Variants in ABCD4 observed in about 807,000 individuals in gnomAD.
ABCD4 encodes the protein lysosomal cobalamin transporter ABCD4.
Under a neutral mutation model 86.3 loss-of-function variants are expected in ABCD4, and 53 were observed. The ratio of observed to expected loss-of-function variants is 0.61; its 90% CI spans 0.49 to 0.77. ABCD4 has a LOEUF of 0.77. Ranked by LOEUF, ABCD4 falls within the 30% of genes least tolerant of loss-of-function variation. The pLI is 0.00. For synonymous variants in ABCD4, 328 were observed against 313.6 expected (o/e 1.05, Z -0.49); for missense variants, 757 against 764.5 (o/e 0.99, Z 0.12).
intron 4 of ABCD4, chr14:74,297,696 A>T (rs991752950): frequency 7.4e-6 from 9 of 1,215,872 alleles, no homozygotes; most frequent in African/African-American, 1.6e-5. Context: ...AGTTGTTGGG[A>T]CTACAGGTGC....
intron 1 of ABCD4, 51 bp downstream of exon 1, chr14:74,302,824 T>C: frequency 6.3e-7 from 1 of 1,583,114 alleles, no homozygotes; most frequent in East Asian, 2.4e-5. Flanking sequence ...GCCCATTCCC[T>C]ACAGCCCGGA....
At chr14:74,295,244 G>T in intron 6 of ABCD4, 46 bp from the exon 7 acceptor site, 1 of 1,607,848 alleles carries the variant, frequency 6.2e-7, no homozygotes, top group Non-Finnish European at 8.5e-7. Context: ...GGGAGTACTG[G>T]CCTCACTCTT....
At chr14:74,292,247 C>G (rs1165568393) in intron 11 of ABCD4, 40 bp downstream of exon 11, 1 of 1,599,290 alleles carries the variant, frequency 6.3e-7, no homozygotes, top group Non-Finnish European at 8.6e-7. Context: ...GATGCCACAG[C>G]CTGCAGCCTC....
intron 17 of ABCD4, among the ~76,000 whole-genome samples, chr14:74,287,435 T>C (rs369926541): frequency 3.2e-4 from 48 of 151,152 alleles, no homozygotes; most frequent in African/African-American, 1.1e-3. Flanking sequence ...ATGCTTGTAG[T>C]CCCAGCTACT....
chr14:74,298,276 A>T (rs955792118), intron 3 of ABCD4, among the ~76,000 whole-genome samples: 3 of 151,640 alleles, frequency 2.0e-5, no homozygotes, highest in Non-Finnish European at 4.4e-5. Context: ...CCTTCACCAA[A>T]TTTTTTTTCT....
chr14:74,300,749 G>T (rs2084229147), intron 1 of ABCD4, among the ~76,000 whole-genome samples: 1 of 152,170 alleles, frequency 6.6e-6, no homozygotes, highest in Admixed American at 6.6e-5. Context: ...GAAAACTGAT[G>T]AATTTAACTT....
rs3837654 is a variant in ABCD4, at chr14:74,287,535, CAG to C, written c.1636+273_1636+274del. ...TGCCCCTGTACCCCAGCCTGGGTGA[CAG>C]AGTGAGACTGTCTCAAAAAAAAAAA... On this transcript the variant is annotated intron_variant, in intron 17 of 18. Coordinates refer to ENST00000356924, the MANE Select transcript of ABCD4 (RefSeq NM_005050.4). 0.33 allele frequency among the ~76,000 whole-genome samples: 43,548 copies of C among 130,148 alleles called. 7,125 individuals carry two copies. The highest frequency in any genetic ancestry group is 0.62 in the Middle Eastern group (159 of 258). 85.4% of individuals were successfully genotyped at this position (130,148 alleles called of 152,430 possible). A position where few individuals can be genotyped will look rare whatever the true frequency, so the allele number is the denominator to read the frequency against.
chr14:74,296,658 T>TA (rs2082951202), intron 4 of ABCD4: 1 of 551,046 alleles, frequency 1.8e-6, no homozygotes, highest in South Asian at 2.2e-5. Context: ...AGTTGCATCT[T>TA]ACGGTGCCTT....
At position 74,285,553 on chromosome 14, in the gene ABCD4, AG is replaced by A. The variant is rs2079577109; in HGVS notation, c.*907del. The A allele has an allele frequency of 6.6e-6, 1 of 152,220 alleles. No homozygotes were observed. The highest frequency in any genetic ancestry group is 2.4e-5 in the African/African-American group (1 of 41,464). The allele number at this position is 152,220 out of a possible 1,614,324, so 9.4% of individuals were successfully genotyped here. ...GTAACTCAAGTACTAGAAGTACAGAAGCCTGGCAAAAATTATGAAGGTAAGG... is the reference window on the plus strand; with the variant it reads ...GTAACTCAAGTACTAGAAGTACAGAACCTGGCAAAAATTATGAAGGTAAGG... On this transcript the variant is annotated 3_prime_UTR_variant, in exon 19 of 19. Coordinates refer to ENST00000356924, the MANE Select transcript of ABCD4 (RefSeq NM_005050.4).
chr14:74,292,687 A>G (rs2081860720), intron 9 of ABCD4, 45 bp from the exon 10 acceptor site: 1 of 1,613,914 alleles, frequency 6.2e-7, no homozygotes, highest in Non-Finnish European at 8.5e-7. Context: ...ACTCGAGCCC[A>G]CAGACACTGG....
chr14:74,295,949 G>A lies in ABCD4; in HGVS notation c.573C>T (p.Phe191=), dbSNP rs781410457. ...CCACGGTCCCCAGGATGAAATACCCGAAGATGCTCACAGGCCCGAGCCAGC... is the reference window on the plus strand; with the variant it reads ...CCACGGTCCCCAGGATGAAATACCCAAAGATGCTCACAGGCCCGAGCCAGC... ...STGWLGPVSI[F]GYFILGTVVN... is the part of the protein sequence containing the mutation. Residue 191 remains phenylalanine (F), a synonymous_variant, in exon 6 of 19, where the codon TTC becomes TTT. Transcript: ENST00000356924. 22 of 1,611,840 alleles carry A rather than the reference G, an allele frequency of 1.4e-5. No individual in the cohort carries two copies. Among genetic ancestry groups the A allele is most frequent in the Middle Eastern group, 3.3e-4 (2 of 6,068 alleles).
intron 1 of ABCD4, 64 bp downstream of exon 1, chr14:74,302,811 A>G: frequency 6.7e-7 from 1 of 1,497,398 alleles, no homozygotes; most frequent in Admixed American, 2.2e-5. Flanking sequence ...GGAGGGCAGG[A>G]AAGCCCATTC....
intron 16 of ABCD4, 141 bp downstream of exon 16, chr14:74,288,066 A>C: frequency 9.0e-7 from 1 of 1,108,880 alleles, no homozygotes; most frequent in Non-Finnish European, 1.3e-6. Flanking sequence ...CTCTGTTCCC[A>C]AGGGCATAAA....
At chr14:74,291,142 G>A (rs1362082279) in intron 11 of ABCD4, among the ~76,000 whole-genome samples, 1 of 152,172 alleles carries the variant, frequency 6.6e-6, no homozygotes, top group Non-Finnish European at 1.5e-5. Flanking sequence ...CCAAGGAGTG[G>A]CCTAAGAAAC....
rs2079850391 is a variant in ABCD4, at chr14:74,286,701, C to G, written c.1752G>C (p.Lys584Asn). ...ISVGHRQSLE[K>N]FHSLVLKLCG... ...AGGCCATCCTTGTGAGCACGGGTACCTTCTCAAGGCTCTGCCGATGTCCCA... is the reference window on the plus strand; with the variant it reads ...AGGCCATCCTTGTGAGCACGGGTACGTTCTCAAGGCTCTGCCGATGTCCCA... The change falls in exon 18 of 19, where the codon AAG (lysine) becomes AAC (asparagine). Residue 584 changes from lysine to asparagine, a missense_variant and splice_region_variant. Coordinates refer to ENST00000356924, the MANE Select transcript of ABCD4 (RefSeq NM_005050.4). The G allele has an allele frequency of 3.1e-6, 5 of 1,613,976 alleles. No individual in the cohort carries two copies. In the African/African-American group the frequency reaches 5.3e-5, roughly 17 times the overall value.
chr14:74,295,738 A>G (rs957960934), intron 6 of ABCD4, 116 bp downstream of exon 6: 4 of 1,432,628 alleles, frequency 2.8e-6, no homozygotes, highest in Non-Finnish European at 3.8e-6. Flanking sequence ...GACCTCTCCA[A>G]GATCACACAG....
chr14:74,296,538 G>A, intron 4 of ABCD4, 89 bp from the exon 5 acceptor site: 1 of 1,223,998 alleles, frequency 8.2e-7, no homozygotes, highest in Admixed American at 1.8e-5. Flanking sequence ...CTCTGCTCTT[G>A]ACCTTGCCTC....
intron 7 of ABCD4, chr14:74,294,806 G>C: frequency 3.4e-6 from 1 of 295,996 alleles, no homozygotes; most frequent in South Asian, 5.3e-5. Context: ...CTCAGGCACT[G>C]GCAAGAAAGC....
chr14:74,298,135 A>C (rs1178430897), intron 3 of ABCD4, 66 bp from the exon 4 acceptor site: 4 of 1,578,290 alleles, frequency 2.5e-6, no homozygotes, highest in Non-Finnish European at 1.7e-6. Context: ...TCAAAGCTCA[A>C]GGCTCGCAAG....
Sources: allele counts gnomAD v4.1 joint callset (sites outside exome capture counted in the v4.1 genomes callset), GRCh38; gene constraint gnomAD v4.1.1; transcripts MANE v1.5; gene names NCBI Gene and HGNC (gene_info 2026-07-23, HGNC 2026-07-21).